Variants in NECAB2 observed in about 807,000 individuals in gnomAD.
The protein encoded by NECAB2 is N-terminal EF-hand calcium-binding protein 2.
A neutral mutation model predicts 51.9 loss-of-function variants in NECAB2; 68 were observed. That is an observed-to-expected ratio of 1.31 (90% CI 1.08 to 1.60). The LOEUF (loss-of-function observed/expected upper bound fraction) is 1.60. Ranked by LOEUF, NECAB2 falls within the 40% of genes most tolerant of loss-of-function variation. NECAB2 has a pLI of 0.00. For synonymous variants in NECAB2, 329 were observed against 203.5 expected (o/e 1.62, Z -5.25); for missense variants, 854 against 490.3 (o/e 1.74, Z -7.00).
chr16:84,001,776 G>C (rs371522451), intron 11 of NECAB2, 49 bp from the exon 12 acceptor site: 1 of 1,597,122 alleles, frequency 6.3e-7, no homozygotes, highest in Non-Finnish European at 8.6e-7. Flanking sequence ...AGCCACACGC[G>C]GAGCTCCACT....
intron 2 of NECAB2, among the ~76,000 whole-genome samples, chr16:83,977,664 G>A (rs1220753046): frequency 2.6e-5 from 4 of 152,134 alleles, no homozygotes; most frequent in African/African-American, 9.7e-5. Context: ...GCACCTCCAG[G>A]CCTGGCACCT....
chr16:84,001,580 G>GTGCAATGAGTGGGGGGATC (rs2084836841), intron 11 of NECAB2, among the ~76,000 whole-genome samples: 3 of 152,132 alleles, frequency 2.0e-5, no homozygotes, highest in African/African-American at 4.8e-5. Context: ...TAGAGGCTCT[G>GTGCAATGAGTGGGGGGATC]TGCAATGAGT....
chr16:83,968,968 A>AC, intron 1 of NECAB2, 119 bp downstream of exon 1: 1 of 555,816 alleles, frequency 1.8e-6, no homozygotes, highest in South Asian at 8.0e-5. Context: ...CGGGCAGGAG[A>AC]CCCCCGGCCC....
At chr16:83,977,149 C>T (rs1019840059) in intron 2 of NECAB2, among the ~76,000 whole-genome samples, 1 of 152,222 alleles carries the variant, frequency 6.6e-6, no homozygotes, top group Non-Finnish European at 1.5e-5. Context: ...GGCCCTTGTC[C>T]CAAGCACCCA....
chr16:83,991,559 G>T (rs1266963016), intron 6 of NECAB2, among the ~76,000 whole-genome samples: 1 of 151,256 alleles, frequency 6.6e-6, no homozygotes, highest in Non-Finnish European at 1.5e-5. Context: ...TAGAGATGGG[G>T]TTTCACCATG....
chr16:83,973,819 G>A (rs1009096735), intron 2 of NECAB2, among the ~76,000 whole-genome samples: 3 of 152,014 alleles, frequency 2.0e-5, no homozygotes, highest in Non-Finnish European at 2.9e-5. Flanking sequence ...ACTCAGCAGC[G>A]TGAGGCTGTT....
Position 83,989,916 on chromosome 16 carries a change from G to A in NECAB2, c.460-578G>A, listed in dbSNP as rs188023387. On this transcript the variant is annotated intron_variant, in intron 5 of 12. Coordinates refer to ENST00000305202, the MANE Select transcript of NECAB2 (RefSeq NM_019065.3). The stretch of plus-strand genomic sequence containing the variant: ...CACCTCCTTTTGATTACTAAGCCCC[G>A]GGCACTTTCCTCCCTTCAGCTGCTT... 1.2e-3 allele frequency among the ~76,000 whole-genome samples: 177 copies of A among 152,162 alleles called. 2 individuals are homozygous for A. The highest frequency in any genetic ancestry group is 7.7e-3 in the Admixed American group (118 of 15,282).
At chr16:83,981,967 C>G (rs946240130) in intron 5 of NECAB2, among the ~76,000 whole-genome samples, 1 of 152,180 alleles carries the variant, frequency 6.6e-6, no homozygotes, top group Non-Finnish European at 1.5e-5. Context: ...CCAGACCTGG[C>G]TGAGGGATCT....
intron 2 of NECAB2, among the ~76,000 whole-genome samples, chr16:83,974,955 CAGGGAT>C (rs2084390114): frequency 8.0e-6 from 1 of 124,528 alleles, no homozygotes; most frequent in African/African-American, 3.5e-5. Context: ...GGTGTGGGTG[CAGGGAT>C]GGGAACAGGT....
At chr16:83,997,663 G>GGTTCAAGCAATTCTCCTGCC (rs2084733127) in intron 9 of NECAB2, among the ~76,000 whole-genome samples, 1 of 151,236 alleles carries the variant, frequency 6.6e-6, no homozygotes, top group African/African-American at 2.4e-5. Context: ...AATTTTTTTG[G>GGTTCAAGCAATTCTCCTGCC]TATTTTTAGT....
At chr16:83,996,840 C>G (rs902173272) in intron 8 of NECAB2, among the ~76,000 whole-genome samples, 3 of 152,136 alleles carry the variant, frequency 2.0e-5, no homozygotes, top group African/African-American at 4.8e-5. Flanking sequence ...AGCTTAGAGT[C>G]TGGGGAAGAC....
intron 10 of NECAB2, among the ~76,000 whole-genome samples, chr16:83,999,591 G>C (rs927423443): frequency 1.3e-5 from 2 of 152,058 alleles, no homozygotes; most frequent in Non-Finnish European, 2.9e-5. Flanking sequence ...CCAGCTTTTG[G>C]CCCCCGCTTT....
Position 84,002,438 on chromosome 16 carries a change from AGCTT to A in NECAB2, c.*93_*96del, listed in dbSNP as rs1296610811. 2.7e-6 allele frequency: 4 copies of A among 1,489,556 alleles called. No individual in the cohort carries two copies. The African/African-American group carries it at 5.6e-5, about 21-fold the overall frequency. 92.3% of individuals were successfully genotyped at this position (1,489,556 alleles called of 1,614,324 possible). On this transcript the variant is annotated 3_prime_UTR_variant, in exon 13 of 13. Coordinates refer to ENST00000305202, the MANE Select transcript of NECAB2 (RefSeq NM_019065.3). ...TTCTAGACAGACACTTTGGTGCAGA[AGCTT>A]CTTTTCAATCCATCCTCCACAAGAA...
At chr16:83,977,785 G>A (rs1262167704) in intron 2 of NECAB2, among the ~76,000 whole-genome samples, 1 of 152,200 alleles carries the variant, frequency 6.6e-6, no homozygotes, top group African/African-American at 2.4e-5. Flanking sequence ...CTCAGGGAAG[G>A]ACCTGAAGTT....
intron 10 of NECAB2, among the ~76,000 whole-genome samples, chr16:84,000,096 T>G (rs193050144): frequency 8.3e-4 from 127 of 152,180 alleles, no homozygotes; most frequent in African/African-American, 2.9e-3. Context: ...TTTGCCATGT[T>G]GGCTAGGCTG....
chr16:83,994,821 G>A (rs1567675973), intron 8 of NECAB2, 133 bp downstream of exon 8: 3 of 1,050,138 alleles, frequency 2.9e-6, no homozygotes, highest in Non-Finnish European at 4.2e-6. Flanking sequence ...CCCCCAGGTG[G>A]GGCGTGGAGC....
intron 5 of NECAB2, among the ~76,000 whole-genome samples, chr16:83,987,642 C>T (rs942921134): frequency 6.6e-6 from 1 of 152,064 alleles, no homozygotes; most frequent in South Asian, 2.1e-4. Context: ...TAAAACTTTT[C>T]AAAAGCATCA....
rs558527099 is a variant in NECAB2 at position 83,982,956 on chromosome 16, C to T, written c.459+1829C>T. The stretch of plus-strand genomic sequence containing the variant: ...CAATGTCGCCTCACTGCAACCTCTG[C>T]CTCCTGGGTTTGAGTGATTCTCCTG... On this transcript the variant is annotated intron_variant, in intron 5 of 12. Coordinates refer to ENST00000305202, the MANE Select transcript of NECAB2 (RefSeq NM_019065.3). Among the ~76,000 whole-genome samples, 9 of 151,914 alleles carry T rather than the reference C, an allele frequency of 5.9e-5. No homozygotes were observed. The South Asian group carries it at 1.3e-3, about 21-fold the overall frequency.
chr16:83,966,079 C>G, upstream of NECAB2: 1 of 1,261,692 alleles, frequency 7.9e-7, no homozygotes, highest in Non-Finnish European at 1.1e-6. Flanking sequence ...GGATGCAGGA[C>G]CCGTCCAAAG....
Sources: allele counts gnomAD v4.1 joint callset (sites outside exome capture counted in the v4.1 genomes callset), GRCh38; gene constraint gnomAD v4.1.1; transcripts MANE v1.5; gene names NCBI Gene and HGNC (gene_info 2026-07-23, HGNC 2026-07-21).